The following HTR3B variants were observed in gnomAD, a reference collection of about 807,000 sequenced individuals.
HTR3B encodes 5-hydroxytryptamine receptor 3B, also known as 5-hydroxytryptamine (serotonin) receptor 3B, ionotropic.
In HTR3B, 44 loss-of-function variants were observed where a neutral mutation model predicts 42.8. The observed-to-expected ratio is 1.03, with a 90% confidence interval of 0.81 to 1.32. The LOEUF (loss-of-function observed/expected upper bound fraction) is 1.32. HTR3B is among the 40% of genes most tolerant of loss of function. HTR3B has a pLI of 0.00. For synonymous variants in HTR3B, 203 were observed against 209.0 expected (o/e 0.97, Z 0.25); for missense variants, 527 against 536.5 (o/e 0.98, Z 0.17).
chr11:113,929,461 A>G (rs1950009691), intron 2 of HTR3B, among the ~76,000 whole-genome samples: 1 of 152,136 alleles, frequency 6.6e-6, no homozygotes, highest in Non-Finnish European at 1.5e-5. Flanking sequence ...CTCACATGGT[A>G]GAGAGAGATC....
chr11:113,938,885 C>T (rs952385950), intron 6 of HTR3B, among the ~76,000 whole-genome samples: 6 of 151,974 alleles, frequency 3.9e-5, no homozygotes, highest in South Asian at 4.2e-4. Flanking sequence ...ATCCCAGCTA[C>T]GCAGGAGGCT....
chr11:113,935,120 C>T (rs759309495), intron 6 of HTR3B, among the ~76,000 whole-genome samples: 18 of 124,806 alleles, frequency 1.4e-4, no homozygotes, highest in African/African-American at 4.5e-4. Flanking sequence ...TTTCCTTCAC[C>T]CTAAATGTTA....
chr11:113,939,611 A>G (rs551775398), intron 6 of HTR3B, among the ~76,000 whole-genome samples: 1 of 152,084 alleles, frequency 6.6e-6, no homozygotes, highest in Non-Finnish European at 1.5e-5. Flanking sequence ...CACACCATCC[A>G]TCTCTGGCTC....
At position 113,946,240 on chromosome 11, in the gene HTR3B, C is replaced by A; in HGVS notation, c.*103C>A. On this transcript the variant is annotated 3_prime_UTR_variant, in exon 9 of 9. Transcript: ENST00000260191. ...TCTGGGTCGGGTGTGGTGGTTCTTG[C>A]CTATAGTCCCAGTGCTTTGGGAGGC... 1.1e-6 allele frequency: 1 copy of A among 870,452 alleles called. No homozygotes were observed. The highest frequency in any genetic ancestry group is 1.8e-6 in the Non-Finnish European group (1 of 548,742). The allele number at this position is 870,452 out of a possible 1,614,324, so 53.9% of individuals were successfully genotyped here. A position where few individuals can be genotyped will look rare whatever the true frequency, so the allele number is the denominator to read the frequency against.
At chr11:113,926,388 T>G (rs886749396) in intron 2 of HTR3B, among the ~76,000 whole-genome samples, 1 of 152,082 alleles carries the variant, frequency 6.6e-6, no homozygotes, top group Non-Finnish European at 1.5e-5. Context: ...TACTTCTGAG[T>G]AGAATTGTTG....
chr11:113,900,684 G>T (rs896916608), upstream of HTR3B, among the ~76,000 whole-genome samples: 1 of 152,020 alleles, frequency 6.6e-6, no homozygotes, highest in Non-Finnish European at 1.5e-5. Flanking sequence ...GTAGAGATGG[G>T]GTTTCACCAT....
chr11:113,929,950 T>C (rs1338938445), intron 2 of HTR3B, among the ~76,000 whole-genome samples: 1 of 152,032 alleles, frequency 6.6e-6, no homozygotes, highest in African/African-American at 2.4e-5. Context: ...GCCAGGATGG[T>C]CTCCATCTCC....
intron 2 of HTR3B, among the ~76,000 whole-genome samples, chr11:113,929,204 C>T (rs1035042437): frequency 2.0e-5 from 3 of 152,172 alleles, no homozygotes; most frequent in Non-Finnish European, 2.9e-5. Flanking sequence ...AAAAAACAGT[C>T]GCCATTCTAA....
chr11:113,906,245 G>A (rs553758059), intron 1 of HTR3B, among the ~76,000 whole-genome samples: 4 of 152,174 alleles, frequency 2.6e-5, no homozygotes, highest in South Asian at 2.1e-4. Flanking sequence ...TTTACTTTAC[G>A]TATTTTACTA....
chr11:113,922,234 T>TTTTA (rs200595259), intron 2 of HTR3B, among the ~76,000 whole-genome samples: 3,895 of 151,836 alleles, frequency 0.026, 137 homozygotes, highest in African/African-American at 0.085. Flanking sequence ...TCTTTTTTGT[T>TTTTA]TTTATTTATT....
intron 1 of HTR3B, 112 bp from the exon 2 acceptor site, chr11:113,909,183 G>A: frequency 2.5e-6 from 2 of 806,788 alleles, no homozygotes; most frequent in East Asian, 2.5e-5. Flanking sequence ...AGATTTTGGT[G>A]AGCTGAAAGC....
intron 7 of HTR3B, among the ~76,000 whole-genome samples, chr11:113,943,511 T>C (rs1327415493): frequency 1.3e-5 from 2 of 152,080 alleles, no homozygotes; most frequent in Non-Finnish European, 2.9e-5. Context: ...TTTGTTGTAT[T>C]TTTAGTAGAG....
Position 113,932,947 on chromosome 11 carries a change from G to GGT in HTR3B, c.550_551insGT (p.Asp184GlyfsTer6). On this transcript the variant is annotated frameshift_variant, in exon 6 of 9. Coordinates refer to ENST00000260191, the MANE Select transcript of HTR3B (RefSeq NM_006028.5). LOFTEE classifies it high-confidence loss of function. ...TGTGTTGTTTGCAGTGGAAGACGTA[G>GGT]ACCTGGCCTTTCTGAGGAGCCCAGA... 1 of 1,614,066 alleles carries GGT rather than the reference G, an allele frequency of 6.2e-7. No homozygotes were observed. The highest frequency in any genetic ancestry group is 8.5e-7 in the Non-Finnish European group (1 of 1,179,992).
chr11:113,944,057 G>T (rs541752343), intron 7 of HTR3B, among the ~76,000 whole-genome samples: 2 of 143,092 alleles, frequency 1.4e-5, no homozygotes, highest in East Asian at 4.2e-4. Flanking sequence ...GTCTTGCTGT[G>T]TCTCCAGGCT....
Position 113,904,903 on chromosome 11 carries a change from T to A in HTR3B, c.-31T>A. ...CGGCATTCCATCTGGTAGGCAAGTT[T>A]GCATTTCTCCTTTTTGGGATCTGCC... On this transcript the variant is annotated 5_prime_UTR_variant, in exon 1 of 9. Coordinates refer to ENST00000260191, the MANE Select transcript of HTR3B (RefSeq NM_006028.5). 6.3e-7 allele frequency: 1 copy of A among 1,599,336 alleles called. No individual in the cohort carries two copies. The highest frequency in any genetic ancestry group is 1.3e-5 in the African/African-American group (1 of 74,692).
Position 113,909,402 on chromosome 11 carries a change from AC to A in HTR3B, c.162del (p.Lys55ArgfsTer24). 6.2e-7 allele frequency: 1 copy of A among 1,614,162 alleles called. No homozygotes were observed. Among genetic ancestry groups the A allele is most frequent in the Non-Finnish European group, 8.5e-7 (1 of 1,179,966 alleles). On this transcript the variant is annotated frameshift_variant, in exon 2 of 9. Coordinates refer to ENST00000260191, the MANE Select transcript of HTR3B (RefSeq NM_006028.5). LOFTEE classifies it high-confidence loss of function. ...HKEVRPVYNW[T>X]KATTVYLDLF... ...AGAAGTGAGACCTGTTTACAACTGGACCAAGGCCACCACAGTCTACCTGGAC... is the reference window on the plus strand; with the variant it reads ...AGAAGTGAGACCTGTTTACAACTGGACAAGGCCACCACAGTCTACCTGGAC...
intron 2 of HTR3B, among the ~76,000 whole-genome samples, chr11:113,929,303 A>G (rs1950008312): frequency 6.6e-6 from 1 of 152,204 alleles, no homozygotes; most frequent in Non-Finnish European, 1.5e-5. Flanking sequence ...GGCTGCCGTA[A>G]CAAATACCAC....
intron 2 of HTR3B, among the ~76,000 whole-genome samples, chr11:113,917,836 C>G (rs1393397458): frequency 6.6e-6 from 1 of 152,118 alleles, no homozygotes; most frequent in Non-Finnish European, 1.5e-5. Context: ...AACTCCTGAG[C>G]TTAAGCAATC....
In HTR3B at chr11:113,933,097, G is replaced by T. The variant is rs762464405; in HGVS notation, c.696+4G>T. 1.2e-5 allele frequency: 19 copies of T among 1,610,858 alleles called. No individual in the cohort carries two copies. The highest frequency in any genetic ancestry group is 1.7e-4 in the Middle Eastern group (1 of 6,020). Reference sequence around the variant, plus strand: ...ATTTGCACAGATTCAGTTTAATGTAGGTTCTTTACTACCTGTCCCCGTTGC... The same window carrying T: ...ATTTGCACAGATTCAGTTTAATGTATGTTCTTTACTACCTGTCCCCGTTGC... On this transcript the variant is annotated splice_donor_region_variant and intron_variant, in intron 6 of 8. Coordinates refer to ENST00000260191, the MANE Select transcript of HTR3B (RefSeq NM_006028.5).
Sources: gnomAD v4.1 joint callset for allele counts (sites outside exome capture counted in the v4.1 genomes callset) on GRCh38, gnomAD v4.1.1 for gene constraint, MANE v1.5 for transcripts, NCBI Gene and HGNC (gene_info 2026-07-23, HGNC 2026-07-21) for gene names.